KIAA1328: variants seen among roughly 807,000 people sequenced by gnomAD.
KIAA1328 encodes the protein protein hinderin.
KIAA1328 carries 52 observed loss-of-function variants against 68.1 expected under a neutral mutation model. That is an observed-to-expected ratio of 0.76 (90% CI 0.61 to 0.96). The LOEUF (loss-of-function observed/expected upper bound fraction) is 0.96, where lower values mean the gene tolerates loss of function less well. Ranked by LOEUF, KIAA1328 falls within the 40% of genes least tolerant of loss-of-function variation. The probability of loss-of-function intolerance (pLI) is 0.00; values close to 1 mark genes in which losing one functional copy is unlikely to be tolerated. For missense variants in KIAA1328, 641 were observed against 677.6 expected (o/e 0.95, Z 0.60); for synonymous variants, 232 against 239.4 (o/e 0.97, Z 0.28).
chr18:37,073,914 A>G (rs568121063), intron 7 of KIAA1328, among the ~76,000 whole-genome samples: 1 of 152,096 alleles, frequency 6.6e-6, no homozygotes, highest in South Asian at 2.1e-4. Flanking sequence ...GATTATCTTC[A>G]TTTGTGGCAT....
At chr18:37,171,644 G>A (rs2059501675) in intron 8 of KIAA1328, among the ~76,000 whole-genome samples, 1 of 152,126 alleles carries the variant, frequency 6.6e-6, no homozygotes, top group African/African-American at 2.4e-5. Context: ...TGGGTTGAGG[G>A]TACCACAGAT....
At chr18:36,952,239 A>G (rs1463509916) in intron 5 of KIAA1328, among the ~76,000 whole-genome samples, 1 of 152,108 alleles carries the variant, frequency 6.6e-6, no homozygotes, top group Admixed American at 6.5e-5. Flanking sequence ...TTTGTTTTCA[A>G]TGTCACATGT....
intron 6 of KIAA1328, among the ~76,000 whole-genome samples, chr18:36,982,155 AATAT>A (rs138352182): frequency 7.1e-6 from 1 of 141,286 alleles, no homozygotes; most frequent in South Asian, 2.1e-4. Context: ...AAATATATAT[AATAT>A]ATATATATAA....
At chr18:37,022,282 TATTC>T (rs1252982070) in intron 6 of KIAA1328, among the ~76,000 whole-genome samples, 1 of 152,074 alleles carries the variant, frequency 6.6e-6, no homozygotes, top group Non-Finnish European at 1.5e-5. Flanking sequence ...AAATGAGTAG[TATTC>T]AGATAAGGAA....
chr18:37,023,595 A>G (rs999857265), intron 6 of KIAA1328, among the ~76,000 whole-genome samples: 1 of 152,138 alleles, frequency 6.6e-6, no homozygotes, highest in African/African-American at 2.4e-5. Context: ...GCTATTAAAT[A>G]TTACATTTCT....
chr18:36,973,816 C>CACACACAT (rs1556844244), intron 6 of KIAA1328, among the ~76,000 whole-genome samples: 1 of 99,622 alleles, frequency 1.0e-5, no homozygotes, highest in South Asian at 4.3e-4. Context: ...CGCACATACA[C>CACACACAT]ACACACACAC....
intron 3 of KIAA1328, among the ~76,000 whole-genome samples, chr18:36,842,013 G>A (rs575548085): frequency 1.7e-4 from 26 of 151,442 alleles, no homozygotes; most frequent in African/African-American, 6.3e-4. Flanking sequence ...TCACCGTCTC[G>A]GGGTTTAGTC....
chr18:37,015,725 G>A (rs897661096), intron 6 of KIAA1328, among the ~76,000 whole-genome samples: 1 of 152,112 alleles, frequency 6.6e-6, no homozygotes, highest in African/African-American at 2.4e-5. Context: ...CTCTTGGCTA[G>A]ATGTATTCCT....
In KIAA1328 at chr18:37,225,158, A is replaced by G; in HGVS notation, c.*2931A>G. 1.0e-6 allele frequency: 1 copy of G among 985,406 alleles called. No homozygotes were observed. Among genetic ancestry groups the G allele is most frequent in the Non-Finnish European group, 1.2e-6 (1 of 829,930 alleles). The allele number at this position is 985,406 out of a possible 1,614,324, so 61.0% of individuals were successfully genotyped here. Reference sequence around the variant, plus strand: ...TCTTCTGGCCAGAGAATCAGGGGAGAGGAGAGGCCTGATGGGGCAGAGCTG... The same window carrying G: ...TCTTCTGGCCAGAGAATCAGGGGAGGGGAGAGGCCTGATGGGGCAGAGCTG... On this transcript the variant is annotated 3_prime_UTR_variant, in exon 10 of 10. Coordinates refer to ENST00000280020, the MANE Select transcript of KIAA1328 (RefSeq NM_020776.3).
chr18:36,896,713 G>A (rs924663300), intron 5 of KIAA1328, among the ~76,000 whole-genome samples: 4 of 152,070 alleles, frequency 2.6e-5, no homozygotes, highest in Non-Finnish European at 4.4e-5. Context: ...AACAGTTCTT[G>A]TATGAAGAAA....
chr18:37,228,430 T>C (rs1244660389), downstream of KIAA1328, among the ~76,000 whole-genome samples: 2 of 152,180 alleles, frequency 1.3e-5, no homozygotes, highest in Non-Finnish European at 2.9e-5. Flanking sequence ...TGTTGTCTTA[T>C]TTTAAGAAAT....
intron 5 of KIAA1328, 85 bp from the exon 6 acceptor site, chr18:36,959,218 CTGTTT>C (rs989169371): frequency 4.2e-5 from 51 of 1,218,352 alleles, no homozygotes; most frequent in Non-Finnish European, 5.4e-5. Context: ...ATTTCTGGTT[CTGTTT>C]TGTTTATTGG....
chr18:36,840,700 C>G (rs946612668), intron 3 of KIAA1328, among the ~76,000 whole-genome samples: 2 of 152,108 alleles, frequency 1.3e-5, no homozygotes, highest in Admixed American at 1.3e-4. Context: ...ATCCACCCAC[C>G]TCGGCCTCCG....
chr18:37,097,360 G>A (rs2057445015), intron 7 of KIAA1328, among the ~76,000 whole-genome samples: 1 of 152,042 alleles, frequency 6.6e-6, no homozygotes. Context: ...TTTTTGTCAG[G>A]TTTGTCAAAG....
chr18:37,097,102 G>T (rs1333192287), intron 7 of KIAA1328, among the ~76,000 whole-genome samples: 2 of 152,076 alleles, frequency 1.3e-5, no homozygotes, highest in African/African-American at 2.4e-5. Context: ...GTCAATTTTG[G>T]CTTTTGTTGC....
chr18:36,871,458 C>T (rs2047942630), intron 4 of KIAA1328, among the ~76,000 whole-genome samples: 1 of 151,984 alleles, frequency 6.6e-6, no homozygotes, highest in Non-Finnish European at 1.5e-5. Context: ...CAGGTTTCTC[C>T]ACTGTGAAAT....
chr18:37,014,692 T>C (rs916477140), intron 6 of KIAA1328, among the ~76,000 whole-genome samples: 16 of 152,032 alleles, frequency 1.1e-4, no homozygotes, highest in African/African-American at 3.6e-4. Context: ...TACACACTTT[T>C]AGACAACCAA....
chr18:36,887,113 T>G (rs78936453), intron 5 of KIAA1328, among the ~76,000 whole-genome samples: 1 of 100,744 alleles, frequency 9.9e-6, no homozygotes, highest in African/African-American at 3.1e-5. Flanking sequence ...CAACTTTCTC[T>G]TTTTTTTTTT....
At chr18:36,942,595 T>G (rs527475306) in intron 5 of KIAA1328, among the ~76,000 whole-genome samples, 14 of 152,304 alleles carry the variant, frequency 9.2e-5, no homozygotes, top group African/African-American at 3.4e-4. Context: ...AATTGTGCAG[T>G]GTTGCTTTTG....
Sources: allele counts gnomAD v4.1 joint callset (sites outside exome capture counted in the v4.1 genomes callset), GRCh38; gene constraint gnomAD v4.1.1; transcripts MANE v1.5; gene names NCBI Gene and HGNC (gene_info 2026-07-23, HGNC 2026-07-21).